CENPP: variants seen among roughly 807,000 people sequenced by gnomAD.
CENPP encodes centromere protein P.
In CENPP, 24 loss-of-function variants were observed where a neutral mutation model predicts 35.6. The observed-to-expected ratio is 0.67, with a 90% CI of 0.49 to 0.95. CENPP has a LOEUF of 0.95. Ranked by LOEUF, CENPP falls within the 40% of genes least tolerant of loss-of-function variation. The probability of loss-of-function intolerance (pLI) is 0.00; values close to 1 mark genes in which losing one functional copy is unlikely to be tolerated. For missense variants in CENPP, 332 were observed against 345.3 expected, an observed-to-expected ratio of 0.96 and a Z score of 0.31; for synonymous variants, 120 against 125.5, an observed-to-expected ratio of 0.96 and a Z score of 0.29.
intron 5 of CENPP, among the ~76,000 whole-genome samples, chr9:92,544,681 G>A (rs1849389833): frequency 6.6e-6 from 1 of 151,086 alleles, no homozygotes; most frequent in Non-Finnish European, 1.5e-5. Flanking sequence ...GCTCACCAAT[G>A]TGAGGACCAG....
At chr9:92,404,418 C>T (rs561053033) in intron 5 of CENPP, 3 of 943,916 alleles carry the variant, frequency 3.2e-6, no homozygotes, top group South Asian at 3.3e-5. Context: ...ATGGCCTTTA[C>T]ATTTATTAAG....
intron 5 of CENPP, among the ~76,000 whole-genome samples, chr9:92,567,393 T>TATATATATAC (rs1554688302): frequency 8.0e-6 from 1 of 124,924 alleles, no homozygotes; most frequent in Non-Finnish European, 1.6e-5. Context: ...TATATATATA[T>TATATATATAC]ATAGATATAT....
At chr9:92,466,961 A>T (rs1023365764) in intron 5 of CENPP, among the ~76,000 whole-genome samples, 1 of 152,130 alleles carries the variant, frequency 6.6e-6, no homozygotes, top group Non-Finnish European at 1.5e-5. Flanking sequence ...TGCACACCAA[A>T]TATACTTTTG....
chr9:92,590,817 A>G lies in CENPP; in HGVS notation c.565-20497A>G, dbSNP rs78898631. ...ATAAATAGAAAGCTCACAAACGTCA[A>G]AACAAATGTATATAACTAATATCTG... On this transcript the variant is annotated intron_variant, in intron 5 of 7. Transcript: ENST00000375587. 2.6e-5 allele frequency among the ~76,000 whole-genome samples: 4 copies of G among 152,362 alleles called. No individual in the cohort carries two copies. In the East Asian group the frequency reaches 5.8e-4, roughly 22 times the overall value.
intron 5 of CENPP, among the ~76,000 whole-genome samples, chr9:92,419,862 C>G (rs1230170046): frequency 6.6e-6 from 1 of 152,076 alleles, no homozygotes; most frequent in African/African-American, 2.4e-5. Context: ...TAGAATGGTT[C>G]TAGCTATTTT....
chr9:92,344,712 T>C (rs1055222280), intron 3 of CENPP, among the ~76,000 whole-genome samples: 3 of 151,498 alleles, frequency 2.0e-5, no homozygotes, highest in Non-Finnish European at 3.0e-5. Flanking sequence ...GACGCCTAGC[T>C]AATTTTTTGT....
intron 5 of CENPP, among the ~76,000 whole-genome samples, chr9:92,399,912 A>G (rs1393345179): frequency 1.3e-5 from 2 of 152,184 alleles, no homozygotes; most frequent in African/African-American, 2.4e-5. Flanking sequence ...GTTTTATAAT[A>G]TATTTTAATG....
chr9:92,552,002 G>GATA (rs1849612092), intron 5 of CENPP, among the ~76,000 whole-genome samples: 1 of 138,470 alleles, frequency 7.2e-6, no homozygotes, highest in Non-Finnish European at 1.6e-5. Flanking sequence ...TGATATATAT[G>GATA]TGTATATATA....
chr9:92,542,890 T>C (rs996541408), intron 5 of CENPP, among the ~76,000 whole-genome samples: 1 of 152,240 alleles, frequency 6.6e-6, no homozygotes, highest in African/African-American at 2.4e-5. Flanking sequence ...TTGATTTCTG[T>C]TTATGGTGTC....
chr9:92,495,316 T>TA (rs1385482000), intron 5 of CENPP: 1 of 867,052 alleles, frequency 1.2e-6, no homozygotes, highest in East Asian at 1.2e-4. Context: ...TAAAAATCAT[T>TA]ATGTTAGAAA....
At chr9:92,580,723 A>C (rs1211014030) in intron 5 of CENPP, among the ~76,000 whole-genome samples, 1 of 152,240 alleles carries the variant, frequency 6.6e-6, no homozygotes, top group Non-Finnish European at 1.5e-5. Context: ...CTAGCGGTCT[A>C]TCAATTTTGT....
chr9:92,570,384 T>C (rs940037984), intron 5 of CENPP, among the ~76,000 whole-genome samples: 3 of 152,210 alleles, frequency 2.0e-5, no homozygotes, highest in Non-Finnish European at 2.9e-5. Flanking sequence ...TTACATTTAT[T>C]GATTTGCATA....
intron 5 of CENPP, among the ~76,000 whole-genome samples, chr9:92,572,378 G>A (rs1027133579): frequency 1.7e-4 from 26 of 152,188 alleles, no homozygotes; most frequent in African/African-American, 6.3e-4. Context: ...GAAATTCTGG[G>A]TTGAAAATTC....
At chr9:92,548,906 A>G (rs1223909956) in intron 5 of CENPP, among the ~76,000 whole-genome samples, 1 of 152,202 alleles carries the variant, frequency 6.6e-6, no homozygotes. Context: ...TCTAAACTCT[A>G]TAGGGAAATG....
chr9:92,464,155 G>C (rs537959897), intron 5 of CENPP, among the ~76,000 whole-genome samples: 1 of 152,296 alleles, frequency 6.6e-6, no homozygotes, highest in South Asian at 2.1e-4. Context: ...CCCTTGTTGG[G>C]AATAAGGAAA....
chr9:92,368,081 A>C (rs988545305), intron 4 of CENPP, among the ~76,000 whole-genome samples: 3 of 152,196 alleles, frequency 2.0e-5, no homozygotes, highest in African/African-American at 7.2e-5. Context: ...TTTACTGTTA[A>C]GTTCTTATGT....
At chr9:92,466,208 G>T in intron 5 of CENPP, 1 of 614,476 alleles carries the variant, frequency 1.6e-6, no homozygotes, top group Non-Finnish European at 2.8e-6. Flanking sequence ...ACATTTTGTT[G>T]GACATTTTAA....
intron 5 of CENPP, among the ~76,000 whole-genome samples, chr9:92,508,103 T>C (rs1847113929): frequency 6.6e-6 from 1 of 152,072 alleles, no homozygotes; most frequent in Non-Finnish European, 1.5e-5. Flanking sequence ...GGCCACCTGC[T>C]TCCACACAGA....
At chr9:92,469,946 C>T (rs1028687390) in intron 5 of CENPP, among the ~76,000 whole-genome samples, 1 of 152,338 alleles carries the variant, frequency 6.6e-6, no homozygotes, top group Non-Finnish European at 1.5e-5. Context: ...CAGCTCACTG[C>T]AACCTCTACC....
Sources: allele counts gnomAD v4.1 joint callset (sites outside exome capture counted in the v4.1 genomes callset), GRCh38; gene constraint gnomAD v4.1.1; transcripts MANE v1.5; gene names NCBI Gene and HGNC (gene_info 2026-07-23, HGNC 2026-07-21).